Variants in MS4A4E observed in about 807,000 individuals in gnomAD.
MS4A4E encodes membrane spanning 4-domains A4E, also known as putative membrane-spanning 4-domains subfamily A member 4E.
In MS4A4E, 23 loss-of-function variants were observed where a neutral mutation model predicts 13.3. That is an observed-to-expected ratio of 1.73 (90% CI 1.25 to 2.45). MS4A4E has a LOEUF of 2.45. MS4A4E is among the 30% of genes most tolerant of loss of function. MS4A4E has a pLI of 0.00. For missense variants in MS4A4E, 144 were observed against 131.2 expected (o/e 1.10, Z -0.48); for synonymous variants, 36 against 45.6 (o/e 0.79, Z 0.85).
At chr11:60,214,353 A>T (rs2084162997) in intron 4 of MS4A4E, among the ~76,000 whole-genome samples, 1 of 152,162 alleles carries the variant, frequency 6.6e-6, no homozygotes, top group Admixed American at 6.5e-5. Flanking sequence ...ATCTTCATAA[A>T]GATTCCCTCA....
At chr11:60,204,739 A>G (rs2084019433) in intron 8 of MS4A4E, among the ~76,000 whole-genome samples, 151 bp downstream of exon 8, 2 of 152,238 alleles carry the variant, frequency 1.3e-5, no homozygotes, top group South Asian at 4.1e-4. Flanking sequence ...ACAGACACAC[A>G]CGTATGCCAG....
intron 8 of MS4A4E, among the ~76,000 whole-genome samples, chr11:60,202,230 G>T (rs905501230): frequency 1.3e-5 from 2 of 152,182 alleles, no homozygotes; most frequent in East Asian, 3.9e-4. Flanking sequence ...ATTGGTGTAG[G>T]TGAGGACCTA....
In MS4A4E at chr11:60,200,559, T is replaced by G. The variant is rs564174212; in HGVS notation, c.*984A>C. On this transcript the variant is annotated 3_prime_UTR_variant, in exon 9 of 9. Transcript: ENST00000651255. ...CACCTTGCACCGCCCTTAATCCATT[T>G]AACCCTGAGTGGACACAGCACATGT... 1.2e-3 allele frequency among the ~76,000 whole-genome samples: 176 copies of G among 152,286 alleles called. 1 individual carries two copies. Among genetic ancestry groups the G allele is most frequent in the African/African-American group, 3.7e-3 (155 of 41,566 alleles).
chr11:60,235,909 A>G (rs1384757519), intron 1 of MS4A4E, among the ~76,000 whole-genome samples: 1 of 152,212 alleles, frequency 6.6e-6, no homozygotes, highest in East Asian at 1.9e-4. Context: ...TTTAGGTCTT[A>G]CATTTTGGTT....
At chr11:60,218,343 C>A (rs965374886) in intron 3 of MS4A4E, among the ~76,000 whole-genome samples, 2 of 152,290 alleles carry the variant, frequency 1.3e-5, no homozygotes, top group African/African-American at 4.8e-5. Flanking sequence ...CCTCCACTTG[C>A]CTTGTGATAT....
chr11:60,236,439 T>G (rs920538491), intron 1 of MS4A4E, among the ~76,000 whole-genome samples: 6 of 150,050 alleles, frequency 4.0e-5, no homozygotes, highest in Non-Finnish European at 7.4e-5. Flanking sequence ...TGAATATGAG[T>G]TTTTTTTCAT....
chr11:60,214,695 A>G, intron 3 of MS4A4E, 81 bp from the exon 4 acceptor site: 1 of 865,238 alleles, frequency 1.2e-6, no homozygotes, highest in Non-Finnish European at 1.7e-6. Context: ...AACTTAGTAA[A>G]CTTTATTCCA....
At chr11:60,233,888 C>G (rs576916908) in intron 1 of MS4A4E, among the ~76,000 whole-genome samples, 1 of 152,262 alleles carries the variant, frequency 6.6e-6, no homozygotes, top group South Asian at 2.1e-4. Flanking sequence ...CCTAACAGAG[C>G]TGAAGCACGG....
At chr11:60,232,648 T>G (rs1006251696) in intron 1 of MS4A4E, among the ~76,000 whole-genome samples, 1 of 151,998 alleles carries the variant, frequency 6.6e-6, no homozygotes, top group Non-Finnish European at 1.5e-5. Context: ...GAAGTCCACA[T>G]GTCTGTTCTA....
chr11:60,230,604 C>T (rs2134963059), intron 1 of MS4A4E, among the ~76,000 whole-genome samples: 2 of 152,334 alleles, frequency 1.3e-5, no homozygotes, highest in Middle Eastern at 6.8e-3. Context: ...ATGAAACTTA[C>T]AGCTCTGAGT....
chr11:60,232,322 C>CACACACACACA (rs58202966), intron 1 of MS4A4E, among the ~76,000 whole-genome samples: 44 of 112,338 alleles, frequency 3.9e-4, no homozygotes, highest in Middle Eastern at 5.2e-3. Flanking sequence ...CACACACACA[C>CACACACACACA]CAAAAATGAA....
At chr11:60,216,272 C>A in intron 3 of MS4A4E, among the ~76,000 whole-genome samples, 1 of 152,098 alleles carries the variant, frequency 6.6e-6, no homozygotes, top group East Asian at 1.9e-4. Flanking sequence ...ATCTACTGAA[C>A]ACGTGTGGAA....
At chr11:60,206,487 A>G (rs201149397) in intron 6 of MS4A4E, among the ~76,000 whole-genome samples, 1,125 of 65,414 alleles carry the variant, frequency 0.017, 90 homozygotes, top group African/African-American at 0.087. Context: ...ATATATATAT[A>G]TGTATATATA....
chr11:60,212,310 CTTT>C (rs35160855), intron 5 of MS4A4E, among the ~76,000 whole-genome samples: 12 of 137,798 alleles, frequency 8.7e-5, no homozygotes, highest in Non-Finnish European at 1.6e-4. Flanking sequence ...GCACTGACAT[CTTT>C]TTTTTTTTTT....
At chr11:60,224,837 TA>T in intron 3 of MS4A4E, 1 of 760,992 alleles carries the variant, frequency 1.3e-6, no homozygotes, top group Non-Finnish European at 1.8e-6. Flanking sequence ...AAATTGAGTT[TA>T]AAAAGGTTAG....
At chr11:60,207,717 T>G (rs1199696597) in intron 6 of MS4A4E, among the ~76,000 whole-genome samples, 1 of 152,218 alleles carries the variant, frequency 6.6e-6, no homozygotes, top group Non-Finnish European at 1.5e-5. Context: ...TTCCTCATTC[T>G]GGAACCCTCA....
intron 1 of MS4A4E, among the ~76,000 whole-genome samples, chr11:60,233,907 C>A (rs2084447380): frequency 6.6e-6 from 1 of 152,178 alleles, no homozygotes; most frequent in African/African-American, 2.4e-5. Context: ...GGACTGAGTC[C>A]AGCAAAGATA....
At chr11:60,228,899 C>T (rs948920841) in intron 2 of MS4A4E, among the ~76,000 whole-genome samples, 10 of 152,042 alleles carry the variant, frequency 6.6e-5, no homozygotes, top group African/African-American at 1.7e-4. Context: ...ACTATGAAGA[C>T]GATAGAAGAT....
intron 1 of MS4A4E, among the ~76,000 whole-genome samples, chr11:60,236,926 G>A (rs1443525515): frequency 1.3e-5 from 2 of 152,030 alleles, no homozygotes; most frequent in Non-Finnish European, 2.9e-5. Flanking sequence ...TAGTAGAGAT[G>A]GGTTTCACCA....
Sources: gnomAD v4.1 joint callset for allele counts (sites outside exome capture counted in the v4.1 genomes callset) on GRCh38, gnomAD v4.1.1 for gene constraint, MANE v1.5 for transcripts, NCBI Gene and HGNC (gene_info 2026-07-23, HGNC 2026-07-21) for gene names.